The following OR2V2 variants were observed in gnomAD, a reference collection of about 807,000 sequenced individuals.
OR2V2 encodes olfactory receptor family 2 subfamily V member 2.
For synonymous variants in OR2V2, 161 were observed against 151.3 expected (o/e 1.06, Z -0.47); for missense variants, 392 against 392.2 (o/e 1.00, Z 0.00).
intron 1 of OR2V2, among the ~76,000 whole-genome samples, chr5:181,148,642 C>T (rs1221952557): frequency 2.6e-5 from 4 of 152,184 alleles, no homozygotes; most frequent in African/African-American, 9.7e-5. Flanking sequence ...GATCCCCCCA[C>T]GAGCACCAGA....
chr5:181,154,307 C>T (rs1205003179), intron 1 of OR2V2, among the ~76,000 whole-genome samples: 4 of 151,994 alleles, frequency 2.6e-5, no homozygotes, highest in African/African-American at 7.2e-5. Context: ...GATTCGGTAT[C>T]GGCCGGGCGC....
chr5:181,149,492 G>A (rs1763166215), intron 1 of OR2V2, among the ~76,000 whole-genome samples: 1 of 152,194 alleles, frequency 6.6e-6, no homozygotes, highest in Admixed American at 6.5e-5. Context: ...TACACAGCGG[G>A]TGTAAGAATC....
chr5:181,148,074 T>G lies in OR2V2; in HGVS notation c.-25+79T>G, dbSNP rs1763146770. ...CCCGTTGCTGGTTCACGTCCCCATT[T>G]GTCTTGTTCATCAGCACTTGTTCTT... On this transcript the variant is annotated intron_variant, in intron 1 of 1. Transcript: ENST00000641492. 7.5e-6 allele frequency: 3 copies of G among 398,692 alleles called. No individual in the cohort carries two copies. In the East Asian group the frequency reaches 1.1e-4, roughly 14 times the overall value. 24.7% of individuals were successfully genotyped at this position (398,692 alleles called of 1,614,324 possible).
rs1316886909 is a variant in OR2V2 at position 181,155,924 on chromosome 5, C to A, written c.*34C>A. The A allele has an allele frequency of 6.4e-7, 1 of 1,569,388 alleles. No individual in the cohort carries two copies. The highest frequency in any genetic ancestry group is 1.1e-5 in the South Asian group (1 of 88,410). ...CATCCAGTGCCTGGCTCTGCCATCT[C>A]TTAGCTCCAGGGATGTCGGGTTAAT... On this transcript the variant is annotated 3_prime_UTR_variant, in exon 2 of 2. Coordinates refer to ENST00000641492, the MANE Select transcript of OR2V2 (RefSeq NM_206880.2).
At chr5:181,149,281 G>T (rs566093550) in intron 1 of OR2V2, among the ~76,000 whole-genome samples, 34 of 152,260 alleles carry the variant, frequency 2.2e-4, no homozygotes, top group African/African-American at 6.0e-4. Context: ...AGCCAGCAGG[G>T]GTTTCCAATG....
At chr5:181,150,657 A>C (rs1763179885) in intron 1 of OR2V2, among the ~76,000 whole-genome samples, 1 of 152,198 alleles carries the variant, frequency 6.6e-6, no homozygotes, top group Non-Finnish European at 1.5e-5. Context: ...CAGGACACTC[A>C]GCCAGTGGAA....
At chr5:181,150,043 T>C (rs551114154) in intron 1 of OR2V2, among the ~76,000 whole-genome samples, 1 of 152,336 alleles carries the variant, frequency 6.6e-6, no homozygotes, top group Non-Finnish European at 1.5e-5. Flanking sequence ...TTTTGCTGGT[T>C]GGTTGGGCCT....
rs1763288244 is a variant in OR2V2, at chr5:181,158,119, C to T, written c.*2229C>T. 1 of 152,180 alleles carries T rather than the reference C, an allele frequency of 6.6e-6. No individual in the cohort carries two copies. Among genetic ancestry groups the T allele is most frequent in the South Asian group, 2.1e-4 (1 of 4,832 alleles). 9.4% of individuals were successfully genotyped at this position (152,180 alleles called of 1,614,324 possible). ...ACCAGGGAATTCCATTGAAAATTAT[C>T]TACTGAACGCCACTAGCACCCAGAA... On this transcript the variant is annotated 3_prime_UTR_variant, in exon 2 of 2. Transcript: ENST00000641492.
Position 181,156,153 on chromosome 5 carries a change from C to T in OR2V2, c.*263C>T. On this transcript the variant is annotated 3_prime_UTR_variant, in exon 2 of 2. Coordinates refer to ENST00000641492, the MANE Select transcript of OR2V2 (RefSeq NM_206880.2). Reference sequence around the variant, plus strand: ...TTCAGTTCTTACTCTGTCACCCAGGCTAGAGTGCAGTGACACAATCTCGGC... The same window carrying T: ...TTCAGTTCTTACTCTGTCACCCAGGTTAGAGTGCAGTGACACAATCTCGGC... The T allele has an allele frequency of 2.4e-6, 1 of 410,176 alleles. No individual in the cohort carries two copies. Among genetic ancestry groups the T allele is most frequent in the South Asian group, 4.0e-5 (1 of 24,794 alleles). The allele number at this position is 410,176 out of a possible 1,614,324, so 25.4% of individuals were successfully genotyped here.
rs1352071925 is a variant in OR2V2, at chr5:181,156,067, T to A, written c.*177T>A. On this transcript the variant is annotated 3_prime_UTR_variant, in exon 2 of 2. Coordinates refer to ENST00000641492, the MANE Select transcript of OR2V2 (RefSeq NM_206880.2). Reference sequence around the variant, plus strand: ...CTTTCTTTCTTTCTTTCTTTCTTTCTTTCTTTTGTTCTTTCTTTCGTTCTT... The same window carrying A: ...CTTTCTTTCTTTCTTTCTTTCTTTCATTCTTTTGTTCTTTCTTTCGTTCTT... 1 of 472,058 alleles carries A rather than the reference T, an allele frequency of 2.1e-6. No individual in the cohort carries two copies. Among genetic ancestry groups the A allele is most frequent in the Non-Finnish European group, 3.4e-6 (1 of 292,246 alleles). The allele number at this position is 472,058 out of a possible 1,614,324, so 29.2% of individuals were successfully genotyped here. A position where few individuals can be genotyped will look rare whatever the true frequency, so the allele number is the denominator to read the frequency against.
chr5:181,152,434 A>G (rs577426178), intron 1 of OR2V2, among the ~76,000 whole-genome samples: 17 of 152,256 alleles, frequency 1.1e-4, no homozygotes, highest in African/African-American at 3.9e-4. Context: ...CTGAACTCTG[A>G]ACAACTGGAG....
intron 1 of OR2V2, among the ~76,000 whole-genome samples, chr5:181,153,846 A>T (rs1255662823): frequency 1.3e-5 from 2 of 152,212 alleles, no homozygotes; most frequent in Non-Finnish European, 2.9e-5. Context: ...AGGCACTTTG[A>T]TTTCTACTAA....
In OR2V2 at chr5:181,155,234, T is replaced by C; in HGVS notation, c.292T>C (p.Cys98Arg). Residue 98 changes from cysteine to arginine, a missense_variant, in exon 2 of 2, where the codon TGT becomes CGT. By Grantham distance (180) the Cys-to-Arg change is radical. Transcript: ENST00000641492. ...CAGGAAGTCCATCTCCTTTGTGGGCTGTGGCATACAAATTGGCCTCTTTGT... is the reference window on the plus strand; with the variant it reads ...CAGGAAGTCCATCTCCTTTGTGGGCCGTGGCATACAAATTGGCCTCTTTGT... ...SGRKSISFVG[C>R]GIQIGLFVCL... 2 of 1,613,726 alleles carry C rather than the reference T, an allele frequency of 1.2e-6. No homozygotes were observed. Among genetic ancestry groups the C allele is most frequent in the Non-Finnish European group, 1.7e-6 (2 of 1,180,008 alleles).
chr5:181,150,875 G>A (rs2113345045), intron 1 of OR2V2, among the ~76,000 whole-genome samples: 1 of 152,302 alleles, frequency 6.6e-6, no homozygotes, highest in South Asian at 2.1e-4. Context: ...TACTCGGGCA[G>A]CTGAGGTGGG....
chr5:181,152,070 G>A (rs1292821731), intron 1 of OR2V2, among the ~76,000 whole-genome samples: 1 of 151,816 alleles, frequency 6.6e-6, no homozygotes, highest in Non-Finnish European at 1.5e-5. Context: ...GTGACAGGCA[G>A]CACACACTCA....
intron 1 of OR2V2, among the ~76,000 whole-genome samples, chr5:181,154,277 C>G (rs1190597681): frequency 6.6e-6 from 1 of 152,112 alleles, no homozygotes; most frequent in African/African-American, 2.4e-5. Context: ...TTTCCCAAGT[C>G]CATGTGATCC....
rs1561631532 is a variant in OR2V2 at position 181,156,073 on chromosome 5, T to TCTTTCTTTCTTTCTTTCTTTC, written c.*183_*184insCTTTCTTTCTTTCTTTCTTTC. Reference sequence around the variant, plus strand: ...TTCTTTCTTTCTTTCTTTCTTTCTTTTGTTCTTTCTTTCGTTCTTTCTTTC... The same window carrying TCTTTCTTTCTTTCTTTCTTTC: ...TTCTTTCTTTCTTTCTTTCTTTCTTTCTTTCTTTCTTTCTTTCTTTCTGTTCTTTCTTTCGTTCTTTCTTTC... On this transcript the variant is annotated 3_prime_UTR_variant, in exon 2 of 2. Transcript: ENST00000641492. 7 of 344,366 alleles carry TCTTTCTTTCTTTCTTTCTTTC rather than the reference T, an allele frequency of 2.0e-5. No homozygotes were observed. The highest frequency in any genetic ancestry group is 1.4e-4 in the East Asian group (2 of 13,800). 21.3% of individuals were successfully genotyped at this position (344,366 alleles called of 1,614,324 possible). A position where few individuals can be genotyped will look rare whatever the true frequency, so the allele number is the denominator to read the frequency against.
rs1440652039 is a variant in OR2V2, at chr5:181,156,039, G to T, written c.*149G>T. On this transcript the variant is annotated 3_prime_UTR_variant, in exon 2 of 2. Transcript: ENST00000641492. ...GAAGGTCTTTTTAAACACTACATCA[G>T]TTCTTTCTTTCTTTCTTTCTTTCTT... 2.0e-6 allele frequency: 1 copy of T among 493,946 alleles called. No individual in the cohort carries two copies. Among genetic ancestry groups the T allele is most frequent in the Non-Finnish European group, 3.4e-6 (1 of 291,424 alleles). The allele number at this position is 493,946 out of a possible 1,614,324, so 30.6% of individuals were successfully genotyped here.
chr5:181,155,892 C>T lies in OR2V2; in HGVS notation c.*2C>T, dbSNP rs1423159852. 1.2e-6 allele frequency: 2 copies of T among 1,605,762 alleles called. No individual in the cohort carries two copies. Among genetic ancestry groups the T allele is most frequent in the Non-Finnish European group, 1.7e-6 (2 of 1,173,662 alleles). ...TGCAGGATCGGCAGCCAGCACTGAA[C>T]CCAGGGCATCCAGTGCCTGGCTCTG... On this transcript the variant is annotated 3_prime_UTR_variant, in exon 2 of 2. Coordinates refer to ENST00000641492, the MANE Select transcript of OR2V2 (RefSeq NM_206880.2).
Sources: allele counts gnomAD v4.1 joint callset (sites outside exome capture counted in the v4.1 genomes callset), GRCh38; gene constraint gnomAD v4.1.1; transcripts MANE v1.5; gene names NCBI Gene and HGNC (gene_info 2026-07-23, HGNC 2026-07-21).